ABCB1: variants seen among roughly 807,000 people sequenced by gnomAD.
ABCB1 encodes the protein ATP binding cassette subfamily B member 1.
ABCB1 carries 69 observed loss-of-function variants against 142.0 expected under a neutral mutation model. That is an observed-to-expected ratio of 0.49 (90% CI 0.40 to 0.59). ABCB1 has a LOEUF of 0.59. Ranked by LOEUF, ABCB1 falls within the 20% of genes least tolerant of loss-of-function variation. The pLI is 0.00. For missense variants in ABCB1, 1,326 were observed against 1,554.7 expected (o/e 0.85, Z 2.47); for synonymous variants, 532 against 539.2 (o/e 0.99, Z 0.18).
rs942129884 is a variant in ABCB1, at chr7:87,515,215, G to A, written c.3282+16C>T. ...GATGAAAACCTGAACTGAGCTAAAT[G>A]TGAAAGTGTGCTCACCACTTTCCCT... On this transcript the variant is annotated intron_variant, in intron 25 of 27. Transcript: ENST00000622132. The A allele has an allele frequency of 2.5e-6, 4 of 1,612,598 alleles. No homozygotes were observed.
intron 20 of ABCB1, among the ~76,000 whole-genome samples, chr7:87,533,515 A>G (rs1816152170): frequency 6.6e-6 from 1 of 152,230 alleles, no homozygotes; most frequent in Non-Finnish European, 1.5e-5. Context: ...CTTAAACTGC[A>G]AGGAGATTTA....
At chr7:87,682,498 G>A (rs143432390) in intron 1 of ABCB1, among the ~76,000 whole-genome samples, 254 of 152,240 alleles carry the variant, frequency 1.7e-3, no homozygotes, top group African/African-American at 5.5e-3. Flanking sequence ...CCTGATCCCT[G>A]GGCTACAGAT....
At chr7:87,631,637 C>T (rs1267775127) in intron 1 of ABCB1, among the ~76,000 whole-genome samples, 2 of 152,230 alleles carry the variant, frequency 1.3e-5, no homozygotes, top group East Asian at 3.8e-4. Context: ...TCGTGATCCG[C>T]CCGCCTCGGC....
intron 9 of ABCB1, among the ~76,000 whole-genome samples, chr7:87,552,532 T>A (rs1300163908): frequency 6.6e-6 from 1 of 151,952 alleles, no homozygotes; most frequent in African/African-American, 2.4e-5. Context: ...ATGCCTCCAG[T>A]GTGTGAAGTA....
At chr7:87,688,853 T>G (rs1827736947) in intron 1 of ABCB1, among the ~76,000 whole-genome samples, 1 of 152,004 alleles carries the variant, frequency 6.6e-6, no homozygotes. Flanking sequence ...GAACAAAATC[T>G]TATGTATTTG....
intron 19 of ABCB1, among the ~76,000 whole-genome samples, chr7:87,537,924 C>T (rs1816366352): frequency 6.6e-6 from 1 of 152,084 alleles, no homozygotes; most frequent in Admixed American, 6.6e-5. Context: ...ATCATTTTTC[C>T]CAAAAATATT....
chr7:87,598,288 A>C, intron 2 of ABCB1, among the ~76,000 whole-genome samples: 1 of 152,136 alleles, frequency 6.6e-6, no homozygotes, highest in East Asian at 1.9e-4. Flanking sequence ...TGATATATCC[A>C]TTGGACAGCC....
intron 1 of ABCB1, among the ~76,000 whole-genome samples, chr7:87,657,770 C>A (rs1054895280): frequency 2.6e-5 from 4 of 152,100 alleles, no homozygotes; most frequent in African/African-American, 9.7e-5. Flanking sequence ...CCAGTGGAAA[C>A]CATGTAGGAA....
At chr7:87,539,157 C>T (rs1381684886) in intron 19 of ABCB1, 111 bp downstream of exon 19, 1 of 1,164,502 alleles carries the variant, frequency 8.6e-7, no homozygotes, top group East Asian at 2.4e-5. Flanking sequence ...TGAGGGACAA[C>T]CAATATAGGA....
At chr7:87,592,812 A>G (rs966206410) in intron 3 of ABCB1, among the ~76,000 whole-genome samples, 2 of 152,208 alleles carry the variant, frequency 1.3e-5, no homozygotes, top group African/African-American at 4.8e-5. Context: ...CAAGGGAAAC[A>G]CTTAACATTG....
chr7:87,590,169 T>C (rs1208413378), intron 3 of ABCB1, among the ~76,000 whole-genome samples: 2 of 152,202 alleles, frequency 1.3e-5, no homozygotes, highest in African/African-American at 4.8e-5. Flanking sequence ...GGCTTGGTTC[T>C]AGGTACTGGT....
chr7:87,581,575 G>T (rs1453125548), intron 4 of ABCB1, among the ~76,000 whole-genome samples: 1 of 152,192 alleles, frequency 6.6e-6, no homozygotes, highest in Admixed American at 6.5e-5. Context: ...AGAGATAGAT[G>T]GGAGTGGCTG....
chr7:87,662,083 C>T (rs1000849968), intron 1 of ABCB1, among the ~76,000 whole-genome samples: 1 of 151,872 alleles, frequency 6.6e-6, no homozygotes, highest in Non-Finnish European at 1.5e-5. Flanking sequence ...ATCTTTTGCC[C>T]ATTTTAAGTT....
chr7:87,514,512 C>T (rs1815148884), intron 25 of ABCB1, among the ~76,000 whole-genome samples: 1 of 151,870 alleles, frequency 6.6e-6, no homozygotes, highest in South Asian at 2.1e-4. Context: ...CTTTTTTTTC[C>T]TCAGATGATG....
chr7:87,516,231 G>A lies in ABCB1; in HGVS notation c.3084+278C>T, dbSNP rs529214966. On this transcript the variant is annotated intron_variant, in intron 24 of 27. Coordinates refer to ENST00000622132, the MANE Select transcript of ABCB1 (RefSeq NM_001348946.2). ...GCTGCACTCCAGCCTGGATGACAGA[G>A]TAAGACTCTGTCTCTAAAAAAAAAT... 2.6e-3 allele frequency among the ~76,000 whole-genome samples: 399 copies of A among 152,234 alleles called. 1 individual carries two copies. The highest frequency in any genetic ancestry group is 9.0e-3 in the African/African-American group (376 of 41,548).
chr7:87,596,098 A>T (rs1819196861), intron 2 of ABCB1, among the ~76,000 whole-genome samples: 1 of 152,068 alleles, frequency 6.6e-6, no homozygotes, highest in Non-Finnish European at 1.5e-5. Context: ...GCTATGATGA[A>T]TACATACATA....
chr7:87,585,020 A>G (rs1818675818), intron 4 of ABCB1, among the ~76,000 whole-genome samples: 1 of 151,830 alleles, frequency 6.6e-6, no homozygotes, highest in East Asian at 1.9e-4. Flanking sequence ...AGAAAGCCCA[A>G]CATATAACAA....
intron 1 of ABCB1, among the ~76,000 whole-genome samples, chr7:87,698,618 T>C (rs1828726302): frequency 6.6e-6 from 1 of 152,238 alleles, no homozygotes; most frequent in Non-Finnish European, 1.5e-5. Flanking sequence ...TTTAAGATTA[T>C]CTGTGTTGTG....
intron 1 of ABCB1, among the ~76,000 whole-genome samples, chr7:87,697,545 A>G (rs1190191483): frequency 1.3e-5 from 2 of 152,244 alleles, no homozygotes; most frequent in African/African-American, 4.8e-5. Context: ...AGATTTCTCT[A>G]GATTCCAAAG....
Sources: allele counts gnomAD v4.1 joint callset (sites outside exome capture counted in the v4.1 genomes callset), GRCh38; gene constraint gnomAD v4.1.1; transcripts MANE v1.5; gene names NCBI Gene and HGNC (gene_info 2026-07-23, HGNC 2026-07-21).